The following VPS13B variants were observed in gnomAD, a reference collection of about 807,000 sequenced individuals.
VPS13B encodes intermembrane lipid transfer protein VPS13B.
A neutral mutation model predicts 426.4 loss-of-function variants in VPS13B; 285 were observed. The observed-to-expected ratio is 0.67, with a 90% CI of 0.61 to 0.74. The LOEUF (loss-of-function observed/expected upper bound fraction) is 0.74. Ranked by LOEUF, VPS13B falls within the 30% of genes least tolerant of loss-of-function variation. The pLI, the probability that VPS13B is intolerant of heterozygous loss-of-function variation, is 0.00. For synonymous variants in VPS13B, 1,676 were observed against 1,676.4 expected, an observed-to-expected ratio of 1.00 and a Z score of 0.01; for missense variants, 4,537 against 4,782.6, an observed-to-expected ratio of 0.95 and a Z score of 1.51.
chr8:99,181,984 C>G (rs893043696), intron 16 of VPS13B, among the ~76,000 whole-genome samples: 1 of 151,964 alleles, frequency 6.6e-6, no homozygotes, highest in Non-Finnish European at 1.5e-5. Context: ...AAGACTTGAA[C>G]AGACATTTCA....
At position 99,115,749 on chromosome 8, in the gene VPS13B, T is replaced by G. The variant is rs1356879564; in HGVS notation, c.812T>G (p.Leu271Arg). 5.0e-6 allele frequency: 8 copies of G among 1,613,174 alleles called. No homozygotes were observed. The Admixed American group carries it at 1.3e-4, about 27-fold the overall frequency. ...SLKLSITDQQ[L>R]PMFIRIMQLG... ...AAACTTTCTATCACAGATCAACAAC[T>G]GCCTATGTTTATTCGTATAATGCAA... The change falls in exon 7 of 62, where the codon CTG becomes CGG. Residue 271 changes from leucine (L) to arginine (R), a missense_variant. Leu to Arg is a moderately radical substitution (Grantham distance 102). Coordinates refer to ENST00000357162, the MANE Select transcript of VPS13B (RefSeq NM_152564.5).
intron 26 of VPS13B, 64 bp downstream of exon 26, chr8:99,501,922 C>CCCTTCCTT (rs1224467298): frequency 7.1e-7 from 1 of 1,411,120 alleles, no homozygotes; most frequent in Non-Finnish European, 9.7e-7. Context: ...CTCCCTCCCT[C>CCCTTCCTT]CCTCCCTTCC....
intron 19 of VPS13B, among the ~76,000 whole-genome samples, chr8:99,370,128 GTA>G (rs1001300343): frequency 6.6e-6 from 1 of 152,084 alleles, no homozygotes; most frequent in Non-Finnish European, 1.5e-5. Flanking sequence ...AACAGATTTT[GTA>G]TTTTTTAAGT....
chr8:99,265,687 G>T (rs1438668333), intron 17 of VPS13B, among the ~76,000 whole-genome samples: 1 of 152,148 alleles, frequency 6.6e-6, no homozygotes, highest in African/African-American at 2.4e-5. Flanking sequence ...TAAAATTTTA[G>T]TCATGCCTCA....
intron 19 of VPS13B, among the ~76,000 whole-genome samples, chr8:99,383,834 G>A (rs1322898963): frequency 6.6e-6 from 1 of 152,066 alleles, no homozygotes; most frequent in Non-Finnish European, 1.5e-5. Flanking sequence ...CCATTGTTTG[G>A]AAATACCACA....
Position 99,392,243 on chromosome 8 carries a change from C to G in VPS13B, c.3082+539C>G, listed in dbSNP as rs913729418. 2.6e-5 allele frequency among the ~76,000 whole-genome samples: 4 copies of G among 152,248 alleles called. No individual in the cohort carries two copies. In the East Asian group the frequency reaches 7.7e-4, roughly 29 times the overall value. Reference sequence around the variant, plus strand: ...CATCTTTCCTCCCCTTTCTCTCATACTCTCTGCTAGATCTTCTATGTAAAT... The same window carrying G: ...CATCTTTCCTCCCCTTTCTCTCATAGTCTCTGCTAGATCTTCTATGTAAAT... On this transcript the variant is annotated intron_variant, in intron 21 of 61. Coordinates refer to ENST00000357162, the MANE Select transcript of VPS13B (RefSeq NM_152564.5).
intron 19 of VPS13B, among the ~76,000 whole-genome samples, chr8:99,354,203 T>C (rs202140189): frequency 1.3e-5 from 2 of 149,538 alleles, no homozygotes; most frequent in East Asian, 3.9e-4. Context: ...TCTTAATAGT[T>C]GAAAATTTAC....
chr8:99,529,483 T>C (rs556133882), intron 30 of VPS13B, among the ~76,000 whole-genome samples: 1 of 152,340 alleles, frequency 6.6e-6, no homozygotes, highest in South Asian at 2.1e-4. Flanking sequence ...TTCATCACTA[T>C]TAAAGTTCAA....
intron 43 of VPS13B, among the ~76,000 whole-genome samples, chr8:99,793,187 G>A (rs1204043252): frequency 6.7e-6 from 1 of 148,180 alleles, no homozygotes; most frequent in Non-Finnish European, 1.5e-5. Flanking sequence ...CTGGGCAACA[G>A]AGCAAGACCC....
At chr8:99,153,700 T>C (rs1184996799) in intron 14 of VPS13B, among the ~76,000 whole-genome samples, 1 of 152,176 alleles carries the variant, frequency 6.6e-6, no homozygotes, top group Non-Finnish European at 1.5e-5. Context: ...ATTACTATTA[T>C]TATTTTGACA....
intron 33 of VPS13B, among the ~76,000 whole-genome samples, chr8:99,632,260 G>A (rs1205322319): frequency 1.3e-5 from 2 of 151,898 alleles, no homozygotes; most frequent in Non-Finnish European, 2.9e-5. Context: ...TTAGCAGTTT[G>A]GAGACTGGAT....
intron 15 of VPS13B, among the ~76,000 whole-genome samples, chr8:99,165,932 GTAA>G (rs1368224773): frequency 6.6e-6 from 1 of 152,152 alleles, no homozygotes; most frequent in Non-Finnish European, 1.5e-5. Context: ...TATTCAAAAT[GTAA>G]TAATTGAGTA....
intron 33 of VPS13B, among the ~76,000 whole-genome samples, chr8:99,624,015 T>A (rs1431704534): frequency 0.065 from 7,472 of 114,654 alleles, 202 homozygotes; most frequent in East Asian, 0.23. Context: ...ATATTTTTTT[T>A]TTTTTTTTTT....
intron 36 of VPS13B, among the ~76,000 whole-genome samples, chr8:99,709,443 A>C (rs1314196712): frequency 6.6e-6 from 1 of 152,212 alleles, no homozygotes; most frequent in African/African-American, 2.4e-5. Flanking sequence ...TTTAGAAGTC[A>C]TGAAACTATT....
chr8:99,252,510 A>C (rs1463149049), intron 17 of VPS13B, among the ~76,000 whole-genome samples: 1 of 152,110 alleles, frequency 6.6e-6, no homozygotes. Flanking sequence ...TTTGAAAAGA[A>C]TGTGTATTCT....
chr8:99,111,623 G>C (rs575790373), intron 6 of VPS13B, among the ~76,000 whole-genome samples: 1 of 151,950 alleles, frequency 6.6e-6, no homozygotes, highest in South Asian at 2.1e-4. Context: ...CTGTATTTCA[G>C]TTCTTATAAT....
chr8:99,584,224 A>G (rs1300521913), intron 33 of VPS13B, among the ~76,000 whole-genome samples: 3 of 152,212 alleles, frequency 2.0e-5, no homozygotes, highest in South Asian at 2.1e-4. Context: ...GAACTCTCAC[A>G]TCTGTCACAA....
intron 43 of VPS13B, among the ~76,000 whole-genome samples, chr8:99,790,928 T>A (rs557776330): frequency 3.8e-4 from 58 of 152,242 alleles, no homozygotes; most frequent in African/African-American, 1.3e-3. Flanking sequence ...GCTAAGGCCA[T>A]GAGGGCTCCT....
intron 8 of VPS13B, among the ~76,000 whole-genome samples, chr8:99,128,879 C>A (rs149579866): frequency 0.049 from 7,478 of 152,184 alleles, 206 homozygotes; most frequent in African/African-American, 0.071. Flanking sequence ...GTGGCTCACG[C>A]CTGTAATCCC....
Sources: gnomAD v4.1 joint callset for allele counts (sites outside exome capture counted in the v4.1 genomes callset) on GRCh38, gnomAD v4.1.1 for gene constraint, MANE v1.5 for transcripts, NCBI Gene and HGNC (gene_info 2026-07-23, HGNC 2026-07-21) for gene names.